Variants in TGFBR3 observed in about 807,000 individuals in gnomAD.
TGFBR3 encodes the protein transforming growth factor beta receptor 3, also known as transforming growth factor beta receptor type 3.
In TGFBR3, 46 loss-of-function variants were observed where a neutral mutation model predicts 87.9. The ratio of observed to expected loss-of-function variants is 0.52; its 90% confidence interval spans 0.41 to 0.67. The LOEUF (loss-of-function observed/expected upper bound fraction) is 0.67. Ranked by LOEUF, TGFBR3 falls within the 30% of genes least tolerant of loss-of-function variation. The probability of loss-of-function intolerance (pLI) is 0.00; values close to 1 mark genes in which losing one functional copy is unlikely to be tolerated. For missense variants in TGFBR3, 866 were observed against 1,041.9 expected (o/e 0.83, Z 2.32); for synonymous variants, 381 against 391.6 (o/e 0.97, Z 0.32).
intron 4 of TGFBR3, among the ~76,000 whole-genome samples, chr1:91,737,899 CCA>C (rs1178938884): frequency 6.6e-6 from 1 of 152,104 alleles, no homozygotes; most frequent in East Asian, 1.9e-4. Flanking sequence ...CCACAGGTGC[CCA>C]GATATTTGGC....
chr1:91,719,560 G>A (rs773847114), intron 9 of TGFBR3, 96 bp from the exon 10 acceptor site: 3 of 1,471,920 alleles, frequency 2.0e-6, no homozygotes, highest in Non-Finnish European at 2.8e-6. Context: ...TCCAAGGACA[G>A]GCGATGAGAG....
chr1:91,786,907 A>G (rs1674992160), intron 3 of TGFBR3, among the ~76,000 whole-genome samples: 1 of 152,182 alleles, frequency 6.6e-6, no homozygotes, highest in Non-Finnish European at 1.5e-5. Flanking sequence ...CTTAAATTCT[A>G]TTTTAGAGAG....
At chr1:91,880,704 C>T (rs943782409) in intron 1 of TGFBR3, among the ~76,000 whole-genome samples, 1 of 151,966 alleles carries the variant, frequency 6.6e-6, no homozygotes, top group Non-Finnish European at 1.5e-5. Flanking sequence ...AAAAAGAAGA[C>T]TGTCCTTTAG....
chr1:91,826,056 G>C (rs573972047), intron 2 of TGFBR3, among the ~76,000 whole-genome samples: 1 of 151,486 alleles, frequency 6.6e-6, no homozygotes, highest in Non-Finnish European at 1.5e-5. Flanking sequence ...ATCCTTTTTC[G>C]TTCAATTTGC....
At chr1:91,858,667 T>C (rs562328816) in intron 2 of TGFBR3, among the ~76,000 whole-genome samples, 61 of 150,720 alleles carry the variant, frequency 4.0e-4, no homozygotes, top group African/African-American at 1.3e-3. Flanking sequence ...ATTTGATCTA[T>C]TATGTTGTGC....
intron 1 of TGFBR3, among the ~76,000 whole-genome samples, chr1:91,870,429 C>T (rs1678541128): frequency 6.6e-6 from 1 of 152,198 alleles, no homozygotes; most frequent in Non-Finnish European, 1.5e-5. Context: ...AAAGGCTCAA[C>T]GACTGGCCCA....
intron 3 of TGFBR3, among the ~76,000 whole-genome samples, chr1:91,771,654 C>T (rs1025879033): frequency 4.3e-5 from 6 of 139,502 alleles, no homozygotes; most frequent in Admixed American, 1.6e-4. Context: ...TGCAGTGAGC[C>T]GAGATCGTGC....
At position 91,875,785 on chromosome 1, in the gene TGFBR3, G is replaced by C. The variant is rs1430436101; in HGVS notation, c.-114+10093C>G. Reference sequence around the variant, plus strand: ...CACCTGTAATCCCAGCTACTCGGGCGGGGGGGGGGGGTGGGAGTGTGCAGC... The same window carrying C: ...CACCTGTAATCCCAGCTACTCGGGCCGGGGGGGGGGGTGGGAGTGTGCAGC... On this transcript the variant is annotated intron_variant, in intron 1 of 16. Transcript: ENST00000212355. Among the ~76,000 whole-genome samples the C allele has an allele frequency of 3.0e-3, 26 of 8,526 alleles. 1 individual carries two copies. The highest frequency in any genetic ancestry group is 6.6e-3 in the Non-Finnish European group (21 of 3,206). 5.6% of individuals were successfully genotyped at this position (8,526 alleles called of 152,430 possible).
intron 2 of TGFBR3, among the ~76,000 whole-genome samples, chr1:91,831,816 C>T (rs985288323): frequency 5.3e-5 from 8 of 152,098 alleles, no homozygotes; most frequent in Admixed American, 2.6e-4. Flanking sequence ...TTTTTGAAAA[C>T]GACGTAAGTC....
intron 1 of TGFBR3, among the ~76,000 whole-genome samples, chr1:91,884,755 A>G (rs1168658560): frequency 6.6e-6 from 1 of 152,250 alleles, no homozygotes; most frequent in African/African-American, 2.4e-5. Flanking sequence ...GTTAGCTGTT[A>G]TTATTATCCA....
intron 14 of TGFBR3, among the ~76,000 whole-genome samples, chr1:91,702,437 G>T (rs528029358): frequency 6.6e-6 from 1 of 150,784 alleles, no homozygotes; most frequent in Non-Finnish European, 1.5e-5. Flanking sequence ...ACAAGGTCAG[G>T]AGATCAAGAC....
intron 1 of TGFBR3, among the ~76,000 whole-genome samples, chr1:91,874,355 C>T (rs555165457): frequency 1.3e-5 from 2 of 152,230 alleles, no homozygotes; most frequent in Admixed American, 6.5e-5. Context: ...CAGTCAGGTG[C>T]GGCAGCTGGA....
In TGFBR3 at chr1:91,712,312, T is replaced by C; in HGVS notation, c.2097A>G (p.Ser699=). 6.2e-7 allele frequency: 1 copy of C among 1,614,194 alleles called. No individual in the cohort carries two copies. Residue 699 remains serine (S), a synonymous_variant, in exon 13 of 17, where the codon TCA becomes TCG. Transcript: ENST00000212355. ...TCAGCTCACACTGTAGAAAGAGCAG[T>C]GAGGTGTTGAAGACAGGCTTGAAGA... ...SFVFKPVFNT[S]LLFLQCELTL... is the part of the protein sequence containing the mutation.
At chr1:91,791,589 C>T (rs1380207289) in intron 3 of TGFBR3, among the ~76,000 whole-genome samples, 1 of 152,200 alleles carries the variant, frequency 6.6e-6, no homozygotes, top group African/African-American at 2.4e-5. Context: ...TGCTGGCTGT[C>T]TAACAAAGCA....
In TGFBR3 at chr1:91,769,783, G is replaced by A. The variant is rs113829130; in HGVS notation, c.247-11033C>T. Among the ~76,000 whole-genome samples the A allele has an allele frequency of 3.3e-5, 5 of 152,170 alleles. 1 individual carries two copies. The highest frequency in any genetic ancestry group is 1.2e-4 in the African/African-American group (5 of 41,510). On this transcript the variant is annotated intron_variant, in intron 3 of 16. Transcript: ENST00000212355. Reference sequence around the variant, plus strand: ...CACCAGATACAAAACCAAAAAGGCCGAGACAGCTGCAAAGGTTTCTATTTC... The same window carrying A: ...CACCAGATACAAAACCAAAAAGGCCAAGACAGCTGCAAAGGTTTCTATTTC...
chr1:91,735,308 C>T (rs1424362686), intron 4 of TGFBR3, among the ~76,000 whole-genome samples: 1 of 152,154 alleles, frequency 6.6e-6, no homozygotes, highest in Non-Finnish European at 1.5e-5. Context: ...AGTGGGAAGC[C>T]TTGATGAATG....
intron 2 of TGFBR3, among the ~76,000 whole-genome samples, chr1:91,843,487 A>T (rs1677364761): frequency 6.6e-6 from 1 of 152,250 alleles, no homozygotes; most frequent in Non-Finnish European, 1.5e-5. Context: ...TAAGACATAC[A>T]ATCTATGTGT....
At chr1:91,865,482 T>A (rs1037922472) in intron 1 of TGFBR3, among the ~76,000 whole-genome samples, 1 of 151,968 alleles carries the variant, frequency 6.6e-6, no homozygotes, top group African/African-American at 2.4e-5. Context: ...ATAAATAGGG[T>A]ACTCTGAGAT....
At position 91,729,753 on chromosome 1, in the gene TGFBR3, G is replaced by A. The variant is rs11466586; in HGVS notation, c.737+52C>T. The A allele has an allele frequency of 9.5e-3, 15,309 of 1,606,626 alleles. 1,303 individuals carry two copies. In the African/African-American group the frequency reaches 0.18, roughly 19 times the overall value. ...ACACCTCTCCCTGCCTCAAGTCAAG[G>A]AAGATCTTTACTTTCATCTCTTGTC... On this transcript the variant is annotated intron_variant, in intron 6 of 16. Coordinates refer to ENST00000212355, the MANE Select transcript of TGFBR3 (RefSeq NM_003243.5).
Sources: allele counts gnomAD v4.1 joint callset (sites outside exome capture counted in the v4.1 genomes callset), GRCh38; gene constraint gnomAD v4.1.1; transcripts MANE v1.5; gene names NCBI Gene and HGNC (gene_info 2026-07-23, HGNC 2026-07-21).